FNDC3B: variants seen among roughly 807,000 people sequenced by gnomAD.
FNDC3B encodes the protein fibronectin type III domain-containing protein 3B.
In FNDC3B, 12 loss-of-function variants were observed where a neutral mutation model predicts 151.5. The ratio of observed to expected loss-of-function variants is 0.08; its 90% confidence interval spans 0.05 to 0.13. FNDC3B has a LOEUF of 0.13. Ranked by LOEUF, FNDC3B falls within the 10% of genes least tolerant of loss-of-function variation. The pLI is 1.00. For missense variants in FNDC3B, 1,214 were observed against 1,505.3 expected (o/e 0.81, Z 3.20); for synonymous variants, 528 against 549.0 (o/e 0.96, Z 0.54).
intron 3 of FNDC3B, among the ~76,000 whole-genome samples, chr3:172,220,877 C>T (rs542189156): frequency 1.3e-5 from 2 of 152,018 alleles, no homozygotes; most frequent in Non-Finnish European, 2.9e-5. Context: ...TCACTTGAGC[C>T]CCAGGAGTTT....
At chr3:172,299,524 TA>T (rs1206925421) in intron 9 of FNDC3B, among the ~76,000 whole-genome samples, 1 of 152,170 alleles carries the variant, frequency 6.6e-6, no homozygotes, top group Admixed American at 6.5e-5. Flanking sequence ...CCCATAACAC[TA>T]AAAAAACTTT....
intron 1 of FNDC3B, among the ~76,000 whole-genome samples, chr3:172,090,128 A>C (rs1250895593): frequency 6.6e-6 from 1 of 152,210 alleles, no homozygotes; most frequent in Non-Finnish European, 1.5e-5. Flanking sequence ...TAGAAGTGGA[A>C]GCCAGAGACT....
chr3:172,295,592 A>T (rs1730563046), intron 8 of FNDC3B, 78 bp downstream of exon 8: 2 of 1,438,288 alleles, frequency 1.4e-6, no homozygotes, highest in South Asian at 1.3e-5. Flanking sequence ...AAAACAAAGG[A>T]AAACCTTATA....
chr3:172,124,616 A>C (rs1720716862), intron 2 of FNDC3B, among the ~76,000 whole-genome samples: 1 of 152,274 alleles, frequency 6.6e-6, no homozygotes, highest in East Asian at 1.9e-4. Flanking sequence ...GGACTTTGAA[A>C]GAATGCTAAG....
At chr3:172,157,266 A>T (rs981552979) in intron 3 of FNDC3B, among the ~76,000 whole-genome samples, 1 of 152,148 alleles carries the variant, frequency 6.6e-6, no homozygotes, top group African/African-American at 2.4e-5. Context: ...TGAACCCAAG[A>T]TGGTACCAAA....
At chr3:172,133,642 G>C in intron 3 of FNDC3B, 96 bp downstream of exon 3, 1 of 876,948 alleles carries the variant, frequency 1.1e-6, no homozygotes, top group Non-Finnish European at 2.0e-6. Context: ...TAATTTTCTA[G>C]AAGTAAAGTA....
At chr3:172,171,809 A>G (rs1329258743) in intron 3 of FNDC3B, among the ~76,000 whole-genome samples, 1 of 151,812 alleles carries the variant, frequency 6.6e-6, no homozygotes, top group Non-Finnish European at 1.5e-5. Context: ...AAAAAATCCA[A>G]TAGTGGGGTT....
Position 172,118,636 on chromosome 3 carries a change from C to T in FNDC3B, c.111+6046C>T, listed in dbSNP as rs182154793. On this transcript the variant is annotated intron_variant, in intron 2 of 25. Transcript: ENST00000415807. Reference sequence around the variant, plus strand: ...ATCCTGTTATGGGCTGGGACTTGAGCTAGAAAGTAGAAAGAGGCTGGTCAT... The same window carrying T: ...ATCCTGTTATGGGCTGGGACTTGAGTTAGAAAGTAGAAAGAGGCTGGTCAT... 1.6e-4 allele frequency among the ~76,000 whole-genome samples: 24 copies of T among 152,268 alleles called. No homozygotes were observed. In the East Asian group the frequency reaches 4.4e-3, roughly 28 times the overall value.
chr3:172,314,248 A>C (rs1330157502), intron 11 of FNDC3B, among the ~76,000 whole-genome samples: 1 of 151,904 alleles, frequency 6.6e-6, no homozygotes, highest in Non-Finnish European at 1.5e-5. Flanking sequence ...CTCTTCAAGG[A>C]TATCTGCTCC....
chr3:172,231,540 C>A (rs1057194127), intron 4 of FNDC3B, among the ~76,000 whole-genome samples: 8 of 152,150 alleles, frequency 5.3e-5, no homozygotes, highest in African/African-American at 1.7e-4. Context: ...GGGAAAATGG[C>A]CCCACTTTGG....
intron 3 of FNDC3B, among the ~76,000 whole-genome samples, chr3:172,152,919 C>T (rs1024273837): frequency 6.6e-6 from 1 of 152,092 alleles, no homozygotes; most frequent in Non-Finnish European, 1.5e-5. Flanking sequence ...TGCTGCTTGT[C>T]GTGAATCCAT....
chr3:172,219,301 A>C (rs955354164), intron 3 of FNDC3B, among the ~76,000 whole-genome samples: 1 of 152,224 alleles, frequency 6.6e-6, no homozygotes, highest in Non-Finnish European at 1.5e-5. Flanking sequence ...TGGCCTTTGC[A>C]TAGCACAGTG....
Position 172,093,636 on chromosome 3 carries a change from C to T in FNDC3B, c.-28-18816C>T, listed in dbSNP as rs968671606. 3.3e-5 allele frequency among the ~76,000 whole-genome samples: 5 copies of T among 152,204 alleles called. No homozygotes were observed. In the East Asian group the frequency reaches 7.7e-4, roughly 24 times the overall value. On this transcript the variant is annotated intron_variant, in intron 1 of 25. Coordinates refer to ENST00000415807, the MANE Select transcript of FNDC3B (RefSeq NM_022763.4). ...GTGGTCTCGAACTCCTGGCCTCAGGCTGTCCTCCCTCTTCAACCTCCCAAA... is the reference window on the plus strand; with the variant it reads ...GTGGTCTCGAACTCCTGGCCTCAGGTTGTCCTCCCTCTTCAACCTCCCAAA...
rs1319310868 is a variant in FNDC3B, at chr3:172,396,538, A to G, written c.3304-626A>G. ...TTATAGTCTAAATCAGGGGTCCCCA[A>G]CCCCCAGGCCGGGTACCAGTACTGG... is the stretch of plus-strand genomic sequence containing the variant. On this transcript the variant is annotated intron_variant, in intron 25 of 25. Transcript: ENST00000415807. Among the ~76,000 whole-genome samples the G allele has an allele frequency of 2.6e-5, 4 of 152,106 alleles. No homozygotes were observed. In the East Asian group the frequency reaches 7.7e-4, roughly 29 times the overall value.
rs919128722 is a variant in FNDC3B, at chr3:172,117,368, A to C, written c.111+4778A>C. ...AATTGATGCCTTTGTTGACATTTTC[A>C]GAAGCTTGTGGTATATTAACTTACC... On this transcript the variant is annotated intron_variant, in intron 2 of 25. Transcript: ENST00000415807. Among the ~76,000 whole-genome samples, 3 of 152,212 alleles carry C rather than the reference A, an allele frequency of 2.0e-5. No homozygotes were observed. The East Asian group carries it at 5.8e-4, about 29-fold the overall frequency.
At chr3:172,161,390 T>A (rs181301255) in intron 3 of FNDC3B, among the ~76,000 whole-genome samples, 1 of 152,254 alleles carries the variant, frequency 6.6e-6, no homozygotes, top group African/African-American at 2.4e-5. Context: ...AAAAGAGTGC[T>A]GTGGGTCACT....
At chr3:172,092,094 A>G (rs1718864719) in intron 1 of FNDC3B, among the ~76,000 whole-genome samples, 1 of 152,188 alleles carries the variant, frequency 6.6e-6, no homozygotes. Context: ...AGAAAAAACA[A>G]TGCACATTTC....
intron 3 of FNDC3B, among the ~76,000 whole-genome samples, chr3:172,205,494 C>T (rs925329475): frequency 6.6e-6 from 1 of 152,174 alleles, no homozygotes; most frequent in Non-Finnish European, 1.5e-5. Flanking sequence ...GAAACCAAGG[C>T]ACAGAGAAAG....
chr3:172,344,433 A>G (rs1733504533), intron 19 of FNDC3B, among the ~76,000 whole-genome samples, 175 bp downstream of exon 19: 2 of 152,204 alleles, frequency 1.3e-5, no homozygotes, highest in Admixed American at 6.5e-5. Context: ...GTGATTTCAT[A>G]TAGACCCAGC....
Sources: allele counts gnomAD v4.1 joint callset (sites outside exome capture counted in the v4.1 genomes callset), GRCh38; gene constraint gnomAD v4.1.1; transcripts MANE v1.5; gene names NCBI Gene and HGNC (gene_info 2026-07-23, HGNC 2026-07-21).